The following WARS1 variants were observed in gnomAD, a reference collection of about 807,000 sequenced individuals.
WARS1 encodes tryptophanyl-tRNA synthetase 1.
Under a neutral mutation model 47.8 loss-of-function variants are expected in WARS1, and 17 were observed. That is an observed-to-expected ratio of 0.36 (90% CI 0.24 to 0.53). The LOEUF is 0.53. WARS1 is among the 20% of genes least tolerant of loss of function. WARS1 has a pLI of 0.91. For synonymous variants in WARS1, 208 were observed against 228.1 expected (o/e 0.91, Z 0.79); for missense variants, 434 against 608.0 (o/e 0.71, Z 3.01).
At position 100,359,544 on chromosome 14, in the gene WARS1, T is replaced by C. The variant is rs565056728; in HGVS notation, c.422+1010A>G. On this transcript the variant is annotated intron_variant, in intron 4 of 10. Transcript: ENST00000392882. ...GACTGTTAACCCATTTATGCCTACC[T>C]ACTGTTCCAAAATTGGAATGCTAAA... is the stretch of plus-strand genomic sequence containing the variant. Among the ~76,000 whole-genome samples the C allele has an allele frequency of 5.3e-5, 8 of 152,344 alleles. 2 individuals are homozygous for C. In the South Asian group the frequency reaches 1.7e-3, roughly 32 times the overall value.
intron 8 of WARS1, 88 bp from the exon 9 acceptor site, chr14:100,342,659 A>G (rs1243962059): frequency 3.9e-6 from 5 of 1,289,200 alleles, no homozygotes; most frequent in Non-Finnish European, 4.3e-6. Context: ...ATCTTCCCAG[A>G]AGGCTCTCAT....
intron 4 of WARS1, among the ~76,000 whole-genome samples, chr14:100,357,991 A>G (rs981674927): frequency 1.3e-5 from 2 of 152,354 alleles, no homozygotes; most frequent in African/African-American, 2.4e-5. Context: ...ATACTCCACA[A>G]ATGAATCTAC....
intron 2 of WARS1, among the ~76,000 whole-genome samples, chr14:100,362,633 T>TG (rs1424560679): frequency 6.6e-6 from 1 of 152,148 alleles, no homozygotes; most frequent in Admixed American, 6.5e-5. Context: ...GGAAGCCTGG[T>TG]GTTTAGAAAA....
chr14:100,366,844 G>A (rs1399769812), intron 2 of WARS1: 4 of 1,583,500 alleles, frequency 2.5e-6, no homozygotes, highest in Non-Finnish European at 1.7e-6. Context: ...GATTCAAATG[G>A]GGATTTGCTG....
intron 7 of WARS1, among the ~76,000 whole-genome samples, 189 bp from the exon 8 acceptor site, chr14:100,343,576 A>G (rs912973243): frequency 6.6e-6 from 1 of 152,070 alleles, no homozygotes; most frequent in Non-Finnish European, 1.5e-5. Flanking sequence ...TTTTCTTTAT[A>G]TATTTTACTC....
At chr14:100,371,447 C>CAAAGAAAAAAAAA (rs1896340084) in intron 1 of WARS1, among the ~76,000 whole-genome samples, 1 of 89,102 alleles carries the variant, frequency 1.1e-5, no homozygotes, top group African/African-American at 3.3e-5. Flanking sequence ...GGTTCTGTCT[C>CAAAGAAAAAAAAA]AAAAAAAAAA....
At chr14:100,354,097 T>C in intron 5 of WARS1, 2 of 540,712 alleles carry the variant, frequency 3.7e-6, no homozygotes, top group Non-Finnish European at 3.3e-6. Flanking sequence ...CTACACACTT[T>C]GTTTTGAAGC....
At chr14:100,354,713 A>C in intron 4 of WARS1, 147 bp from the exon 5 acceptor site, 1 of 957,562 alleles carries the variant, frequency 1.0e-6, no homozygotes, top group Non-Finnish European at 1.5e-6. Context: ...TTATGATATA[A>C]ATATAGACAG....
chr14:100,334,598 GTGGGGCTGCTTTGGGGAGAGACTCACAGC>G lies in WARS1; in HGVS notation c.*248_*276del. 1 of 316,432 alleles carries G rather than the reference GTGGGGCTGCTTTGGGGAGAGACTCACAGC, an allele frequency of 3.2e-6. No homozygotes were observed. Among genetic ancestry groups the G allele is most frequent in the Non-Finnish European group, 5.9e-6 (1 of 169,642 alleles). The allele number at this position is 316,432 out of a possible 1,614,324, so 19.6% of individuals were successfully genotyped here. On this transcript the variant is annotated 3_prime_UTR_variant, in exon 11 of 11. Transcript: ENST00000392882. ...TGGACTTCCAGCCAAAGGCTCCACT[GTGGGGCTGCTTTGGGGAGAGACTCACAGC>G]TGGACTTCTCTATCCGACCATGCAA...
chr14:100,341,604 A>G (rs115338791), intron 9 of WARS1, among the ~76,000 whole-genome samples: 1,852 of 152,340 alleles, frequency 0.012, 39 homozygotes, highest in African/African-American at 0.042. Context: ...TGAGGCAATT[A>G]TATATACACT....
rs145145274 is a variant in WARS1 at position 100,350,113 on chromosome 14, G to C, written c.726-3267C>G. On this transcript the variant is annotated intron_variant, in intron 6 of 10. Coordinates refer to ENST00000392882, the MANE Select transcript of WARS1 (RefSeq NM_004184.4). ...CCCCATGTTTGTAAGAAAAAAGGAA[G>C]TTCCCGACCAGGTGCAGTGGCTCAC... 8.1e-3 allele frequency among the ~76,000 whole-genome samples: 1,236 copies of C among 152,228 alleles called. 8 individuals are homozygous for C. Among genetic ancestry groups the C allele is most frequent in the Admixed American group, 0.012 (181 of 15,302 alleles).
At chr14:100,344,692 G>A (rs1352311182) in intron 7 of WARS1, among the ~76,000 whole-genome samples, 2 of 151,310 alleles carry the variant, frequency 1.3e-5, no homozygotes, top group African/African-American at 2.4e-5. Flanking sequence ...GTCTCTGCCC[G>A]GCCGCCCATC....
intron 4 of WARS1, 149 bp from the exon 5 acceptor site, chr14:100,354,715 T>C (rs970760954): frequency 1.1e-6 from 1 of 939,464 alleles, no homozygotes; most frequent in African/African-American, 1.7e-5. Flanking sequence ...ATGATATAAA[T>C]ATAGACAGGA....
rs145483895 is a variant in WARS1, at chr14:100,368,706, A to G, written c.99+381T>C. 3.8e-3 allele frequency among the ~76,000 whole-genome samples: 576 copies of G among 152,322 alleles called. 4 individuals carry two copies. Among genetic ancestry groups the G allele is most frequent in the Middle Eastern group, 0.01 (3 of 294 alleles). On this transcript the variant is annotated intron_variant, in intron 2 of 10. Coordinates refer to ENST00000392882, the MANE Select transcript of WARS1 (RefSeq NM_004184.4). ...GCTGGCGTGGTGGCTCATGCTGGTA[A>G]TCCCAGCACTTTGGGAGGCCAAGGT...
intron 1 of WARS1, chr14:100,374,147 A>C (rs766148850): frequency 1.1e-4 from 16 of 152,254 alleles, no homozygotes; most frequent in Non-Finnish European, 2.1e-4. Context: ...TTTCGAAAGG[A>C]GGCTGAGATG....
rs60977618 is a variant in WARS1 at position 100,371,447 on chromosome 14, C to CAAAAAAAA, written c.-73-2197_-73-2190dup. On this transcript the variant is annotated intron_variant, in intron 1 of 10. Coordinates refer to ENST00000392882, the MANE Select transcript of WARS1 (RefSeq NM_004184.4). Reference sequence around the variant, plus strand: ...CCTGGGTGACAGAAAGGTTCTGTCTCAAAAAAAAAAAAAAAAAAAAGTAGG... The same window carrying CAAAAAAAA: ...CCTGGGTGACAGAAAGGTTCTGTCTCAAAAAAAAAAAAAAAAAAAAAAAAAAAAGTAGG... Among the ~76,000 whole-genome samples, 31 of 89,110 alleles carry CAAAAAAAA rather than the reference C, an allele frequency of 3.5e-4. 1 individual carries two copies. Among genetic ancestry groups the CAAAAAAAA allele is most frequent in the South Asian group, 1.5e-3 (2 of 1,340 alleles). The allele number at this position is 89,110 out of a possible 152,430, so 58.5% of individuals were successfully genotyped here. A position where few individuals can be genotyped will look rare whatever the true frequency, so the allele number is the denominator to read the frequency against.
intron 1 of WARS1, among the ~76,000 whole-genome samples, chr14:100,369,865 T>C (rs1445391543): frequency 6.6e-6 from 1 of 152,058 alleles, no homozygotes; most frequent in Non-Finnish European, 1.5e-5. Context: ...GGTTTCACCA[T>C]GTTGGCCAGG....
chr14:100,360,444 G>T, intron 4 of WARS1, 110 bp downstream of exon 4: 7 of 738,288 alleles, frequency 9.5e-6, no homozygotes, highest in East Asian at 5.1e-5. Flanking sequence ...ACCACAGCTG[G>T]CCATCACTTT....
rs1343779370 is a variant in WARS1, at chr14:100,373,664, C to T, written c.-74+1619G>A. 6.6e-6 allele frequency among the ~76,000 whole-genome samples: 1 copy of T among 152,194 alleles called. No individual in the cohort carries two copies. The highest frequency in any genetic ancestry group is 2.4e-5 in the African/African-American group (1 of 41,440). ...TAGAGGATCAGCTAGATAAACAGGACTTGCATTTAGGGTCCATGTTGCAGG... is the reference window on the plus strand; with the variant it reads ...TAGAGGATCAGCTAGATAAACAGGATTTGCATTTAGGGTCCATGTTGCAGG... On this transcript the variant is annotated intron_variant, in intron 1 of 10. Transcript: ENST00000392882. The surrounding 1 kb of genome is among the most constrained non-coding windows in gnomAD (Gnocchi z 4.4).
Sources: gnomAD v4.1 joint callset for allele counts (sites outside exome capture counted in the v4.1 genomes callset) on GRCh38, gnomAD v4.1.1 for gene constraint, Gnocchi (gnomAD v3.1) non-coding constraint, MANE v1.5 for transcripts, NCBI Gene and HGNC (gene_info 2026-07-23, HGNC 2026-07-21) for gene names.